Variants in VCL observed in about 807,000 individuals in gnomAD.
VCL encodes vinculin.
A neutral mutation model predicts 125.7 loss-of-function variants in VCL; 47 were observed. That is an observed-to-expected ratio of 0.37 (90% CI 0.30 to 0.48). The LOEUF (loss-of-function observed/expected upper bound fraction) is 0.48. Ranked by LOEUF, VCL falls within the 20% of genes least tolerant of loss-of-function variation. The pLI, the probability that VCL is intolerant of heterozygous loss-of-function variation, is 0.99. For missense variants in VCL, 1,069 were observed against 1,455.5 expected, an observed-to-expected ratio of 0.73 and a Z score of 4.32; for synonymous variants, 458 against 514.6, an observed-to-expected ratio of 0.89 and a Z score of 1.49.
chr10:74,021,667 G>C (rs934770047), intron 1 of VCL, among the ~76,000 whole-genome samples: 3 of 152,168 alleles, frequency 2.0e-5, no homozygotes, highest in African/African-American at 7.2e-5. Flanking sequence ...AACTTGGGCT[G>C]TTCTAAAGCT....
chr10:74,024,731 T>G (rs1840740902), intron 1 of VCL, among the ~76,000 whole-genome samples: 1 of 152,232 alleles, frequency 6.6e-6, no homozygotes, highest in Admixed American at 6.5e-5. Context: ...AAAAGTTACT[T>G]AAGGCCAGGC....
In VCL at chr10:74,104,205, A is replaced by T. The variant is rs182156699; in HGVS notation, c.2131+277A>T. ...CACCACTCCTATCTTCTCTTTGAAT[A>T]GTGTCTTTGCCCAGTCCGAGCCCGA... On this transcript the variant is annotated intron_variant, in intron 15 of 21. Coordinates refer to ENST00000211998, the MANE Select transcript of VCL (RefSeq NM_014000.3). Among the ~76,000 whole-genome samples, 392 of 152,194 alleles carry T rather than the reference A, an allele frequency of 2.6e-3. 2 individuals are homozygous for T. Among genetic ancestry groups the T allele is most frequent in the Admixed American group, 5.4e-3 (83 of 15,294 alleles).
rs1840049128 is a variant in VCL at position 74,101,211 on chromosome 10, C to T, written c.2022+114C>T. On this transcript the variant is annotated intron_variant, in intron 14 of 21. Transcript: ENST00000211998. ...GATGGCATAAAAAAACATATACAGG[C>T]CAGCACGGTAGCACCTATAATTCCG... The T allele has an allele frequency of 2.8e-6, 4 of 1,414,108 alleles. No individual in the cohort carries two copies. The South Asian group carries it at 4.9e-5, about 17-fold the overall frequency. The allele number at this position is 1,414,108 out of a possible 1,614,324, so 87.6% of individuals were successfully genotyped here.
intron 12 of VCL, 122 bp downstream of exon 12, chr10:74,095,977 G>A: frequency 2.5e-6 from 3 of 1,217,908 alleles, no homozygotes; most frequent in Non-Finnish European, 3.4e-6. Flanking sequence ...TGAAAAGAGT[G>A]TGACCAAAGA....
intron 1 of VCL, among the ~76,000 whole-genome samples, chr10:74,024,611 C>CAA (rs34086598): frequency 2.5e-4 from 36 of 141,948 alleles, no homozygotes; most frequent in South Asian, 4.5e-4. Flanking sequence ...CACTCCATCT[C>CAA]AAAAAAAAAA....
rs1453964972 is a variant in VCL at position 74,097,024 on chromosome 10, A to G, written c.1744-180A>G. ...ATTTCTACTACACCACTAATGTCTTACAGGGCAGGATTCATAAATTACACC... is the reference window on the plus strand; with the variant it reads ...ATTTCTACTACACCACTAATGTCTTGCAGGGCAGGATTCATAAATTACACC... On this transcript the variant is annotated intron_variant, in intron 12 of 21. Coordinates refer to ENST00000211998, the MANE Select transcript of VCL (RefSeq NM_014000.3). The surrounding 1 kb of genome is among the most constrained non-coding windows in gnomAD (Gnocchi z 4.1). Among the ~76,000 whole-genome samples the G allele has an allele frequency of 6.6e-6, 1 of 152,260 alleles. No individual in the cohort carries two copies. Among genetic ancestry groups the G allele is most frequent in the Non-Finnish European group, 1.5e-5 (1 of 68,044 alleles).
chr10:74,065,909 C>G (rs1020445804), intron 2 of VCL, among the ~76,000 whole-genome samples: 2 of 151,634 alleles, frequency 1.3e-5, no homozygotes, highest in Non-Finnish European at 2.9e-5. Flanking sequence ...GATATATAAT[C>G]TAAACTCTGT....
chr10:74,115,809 G>C (rs1019532477), intron 21 of VCL, among the ~76,000 whole-genome samples: 1 of 152,228 alleles, frequency 6.6e-6, no homozygotes, highest in African/African-American at 2.4e-5. Context: ...AGGATGCTGA[G>C]AAGGTTCTCT....
chr10:74,070,238 A>C (rs1224759550), intron 2 of VCL, among the ~76,000 whole-genome samples: 1 of 152,156 alleles, frequency 6.6e-6, no homozygotes, highest in Non-Finnish European at 1.5e-5. Context: ...AAAGAACTGA[A>C]GGATTTCAGT....
intron 1 of VCL, among the ~76,000 whole-genome samples, chr10:74,035,024 A>G (rs1021687201): frequency 3.3e-5 from 5 of 152,198 alleles, no homozygotes; most frequent in Admixed American, 3.3e-4. Flanking sequence ...GTCTGGTCAC[A>G]ATCAGTTGGT....
intron 2 of VCL, among the ~76,000 whole-genome samples, chr10:74,056,746 C>G (rs1564519545): frequency 6.6e-6 from 1 of 152,010 alleles, no homozygotes; most frequent in Non-Finnish European, 1.5e-5. Flanking sequence ...GCTGAGGATC[C>G]TTGACCTTTC....
rs768531993 is a variant in VCL at position 74,109,167 on chromosome 10, A to C, written c.2745+11A>C. 1 of 1,614,016 alleles carries C rather than the reference A, an allele frequency of 6.2e-7. No homozygotes were observed. The highest frequency in any genetic ancestry group is 1.1e-5 in the South Asian group (1 of 91,072). ...AAATGGTCCAGCAAGGTAAGTAGTG[A>C]AGCTTTTCTTGTTGAGAAAGGATGT... On this transcript the variant is annotated intron_variant, in intron 18 of 21. Transcript: ENST00000211998.
chr10:74,020,138 G>A (rs1030201751), intron 1 of VCL, among the ~76,000 whole-genome samples: 1 of 152,090 alleles, frequency 6.6e-6, no homozygotes, highest in South Asian at 2.1e-4. Flanking sequence ...TATTTTACAG[G>A]TAAGGAAACT....
At chr10:74,063,266 C>T (rs1841508557) in intron 2 of VCL, among the ~76,000 whole-genome samples, 1 of 152,142 alleles carries the variant, frequency 6.6e-6, no homozygotes, top group South Asian at 2.1e-4. Flanking sequence ...TCTTGTATAC[C>T]TGATAATTTT....
intron 2 of VCL, among the ~76,000 whole-genome samples, chr10:74,048,878 T>C (rs558832263): frequency 6.6e-6 from 1 of 152,254 alleles, no homozygotes; most frequent in South Asian, 2.1e-4. Flanking sequence ...CCCAGCACTT[T>C]GGGAGGCCGA....
chr10:74,098,334 C>G (rs1253451742), intron 13 of VCL, among the ~76,000 whole-genome samples: 2 of 152,208 alleles, frequency 1.3e-5, no homozygotes, highest in Non-Finnish European at 1.5e-5. Flanking sequence ...TTCTTCATCT[C>G]CATATCCTAC....
intron 2 of VCL, among the ~76,000 whole-genome samples, chr10:74,061,828 G>A (rs989753238): frequency 6.6e-6 from 1 of 151,354 alleles, no homozygotes; most frequent in Admixed American, 6.6e-5. Context: ...TTATATCTCA[G>A]ACATATCTTT....
At chr10:74,073,483 G>C (rs898536429) in intron 5 of VCL, among the ~76,000 whole-genome samples, 1 of 152,162 alleles carries the variant, frequency 6.6e-6, no homozygotes, top group Non-Finnish European at 1.5e-5. Context: ...TCTAGCCTAG[G>C]ATATTAAATT....
chr10:74,070,023 A>AAT (rs1446322178), intron 2 of VCL, among the ~76,000 whole-genome samples: 16 of 152,140 alleles, frequency 1.1e-4, no homozygotes, highest in Non-Finnish European at 2.4e-4. Context: ...TTCTTTTAAC[A>AAT]ATATATTTTC....
Sources: allele counts gnomAD v4.1 joint callset (sites outside exome capture counted in the v4.1 genomes callset), GRCh38; gene constraint gnomAD v4.1.1; non-coding constraint Gnocchi (gnomAD v3.1); transcripts MANE v1.5; gene names NCBI Gene and HGNC (gene_info 2026-07-23, HGNC 2026-07-21).